Variants in ISM1 observed in about 807,000 individuals in gnomAD.
The protein encoded by ISM1 is isthmin-1.
Under a neutral mutation model 46.3 loss-of-function variants are expected in ISM1, and 25 were observed. The observed-to-expected ratio is 0.54, with a 90% confidence interval of 0.39 to 0.75. ISM1 has a LOEUF of 0.75. Ranked by LOEUF, ISM1 falls within the 30% of genes least tolerant of loss-of-function variation. The pLI is 0.00. For missense variants in ISM1, 536 were observed against 625.4 expected (o/e 0.86, Z 1.52); for synonymous variants, 255 against 256.7 (o/e 0.99, Z 0.06).
chr20:13,221,713 C>CCCGGCGTCA lies in ISM1; in HGVS notation c.-60_-52dup. ...GCTCCCGGGCTCCTACTCCTCCTCC[C>CCCGGCGTCA]CCGGCGTCACCGCCGCCGCCGCCGG... On this transcript the variant is annotated 5_prime_UTR_variant, in exon 1 of 6. Coordinates refer to ENST00000262487, the MANE Select transcript of ISM1 (RefSeq NM_080826.2). 7.6e-7 allele frequency: 1 copy of CCCGGCGTCA among 1,313,700 alleles called. No homozygotes were observed. The highest frequency in any genetic ancestry group is 9.7e-7 in the Non-Finnish European group (1 of 1,030,586). 81.4% of individuals were successfully genotyped at this position (1,313,700 alleles called of 1,614,324 possible). A position where few individuals can be genotyped will look rare whatever the true frequency, so the allele number is the denominator to read the frequency against.
intron 4 of ISM1, among the ~76,000 whole-genome samples, chr20:13,289,172 G>A (rs1014111255): frequency 1.3e-5 from 2 of 152,142 alleles, no homozygotes; most frequent in African/African-American, 4.8e-5. Flanking sequence ...CAATTGCAGT[G>A]GCCGTGACCT....
At chr20:13,293,994 AG>A (rs2123324488) in intron 5 of ISM1, among the ~76,000 whole-genome samples, 1 of 152,156 alleles carries the variant, frequency 6.6e-6, no homozygotes, top group East Asian at 1.9e-4. Context: ...AGAAAGAAAA[AG>A]AAAAAAAAGA....
At chr20:13,258,575 G>A (rs187815921) in intron 1 of ISM1, among the ~76,000 whole-genome samples, 151 of 152,242 alleles carry the variant, frequency 9.9e-4, no homozygotes, top group Non-Finnish European at 1.8e-3. Context: ...CATGTTCTCT[G>A]TTGAACATCT....
At chr20:13,239,005 C>T (rs918296972) in intron 1 of ISM1, 2 of 152,202 alleles carry the variant, frequency 1.3e-5, no homozygotes, top group African/African-American at 4.8e-5. Flanking sequence ...ACTGAGAGCT[C>T]CTTACTGAGA....
chr20:13,290,491 T>C (rs2040340899), intron 4 of ISM1, among the ~76,000 whole-genome samples: 1 of 151,908 alleles, frequency 6.6e-6, no homozygotes, highest in Non-Finnish European at 1.5e-5. Context: ...CTACTAAAAA[T>C]ACAAAATATT....
chr20:13,250,841 A>G (rs544726880), intron 1 of ISM1, among the ~76,000 whole-genome samples: 6 of 152,294 alleles, frequency 3.9e-5, no homozygotes, highest in African/African-American at 1.4e-4. Context: ...TAATTAGGTG[A>G]TTTCAGCTTT....
chr20:13,299,552 T>G lies in ISM1; in HGVS notation c.*93T>G. ...CGACTGGCGCCGAGACCTTCATAGCTGCGGTCGTGTATATTTGTATATACC... is the reference window on the plus strand; with the variant it reads ...CGACTGGCGCCGAGACCTTCATAGCGGCGGTCGTGTATATTTGTATATACC... On this transcript the variant is annotated 3_prime_UTR_variant, in exon 6 of 6. Coordinates refer to ENST00000262487, the MANE Select transcript of ISM1 (RefSeq NM_080826.2). This position sits in a 1 kb window ranked among gnomAD's most constrained non-coding sequence, Gnocchi z 5.8. The G allele has an allele frequency of 2.6e-6, 3 of 1,150,288 alleles. No individual in the cohort carries two copies. Among genetic ancestry groups the G allele is most frequent in the Admixed American group, 4.3e-5 (2 of 46,404 alleles). 71.3% of individuals were successfully genotyped at this position (1,150,288 alleles called of 1,614,324 possible). A position where few individuals can be genotyped will look rare whatever the true frequency, so the allele number is the denominator to read the frequency against.
At chr20:13,226,992 C>T (rs1568660429) in intron 1 of ISM1, among the ~76,000 whole-genome samples, 1 of 152,028 alleles carries the variant, frequency 6.6e-6, no homozygotes, top group Non-Finnish European at 1.5e-5. Flanking sequence ...TTTTTAGAAC[C>T]CATAGTGCAA....
chr20:13,248,573 G>C (rs553058954), intron 1 of ISM1, among the ~76,000 whole-genome samples: 52 of 152,318 alleles, frequency 3.4e-4, no homozygotes, highest in African/African-American at 1.1e-3. Context: ...TCTTGAGCCA[G>C]GCCTCATAAT....
At chr20:13,294,471 A>T (rs940432389) in intron 5 of ISM1, among the ~76,000 whole-genome samples, 1 of 152,206 alleles carries the variant, frequency 6.6e-6, no homozygotes, top group Non-Finnish European at 1.5e-5. Flanking sequence ...AGGACTCTTC[A>T]TATCACACCC....
intron 1 of ISM1, among the ~76,000 whole-genome samples, chr20:13,225,145 G>T (rs77602969): frequency 6.6e-6 from 1 of 151,920 alleles, no homozygotes; most frequent in Non-Finnish European, 1.5e-5. Flanking sequence ...GAGCCACCGC[G>T]CCCGGCCCAT....
intron 3 of ISM1, 98 bp from the exon 4 acceptor site, chr20:13,288,442 C>T (rs1039457112): frequency 1.5e-5 from 20 of 1,298,824 alleles, no homozygotes; most frequent in African/African-American, 8.8e-5. Flanking sequence ...CCTCCCACAG[C>T]GAGAAGGATA....
intron 1 of ISM1, among the ~76,000 whole-genome samples, chr20:13,228,120 C>G (rs960834123): frequency 1.3e-5 from 2 of 151,696 alleles, no homozygotes; most frequent in Non-Finnish European, 2.9e-5. Context: ...TTACAGGTAC[C>G]CACCACCATG....
intron 1 of ISM1, among the ~76,000 whole-genome samples, chr20:13,248,288 G>A (rs930558823): frequency 5.9e-5 from 9 of 152,190 alleles, no homozygotes; most frequent in African/African-American, 2.2e-4. Context: ...CCAGCAGCAG[G>A]TGAGTATACA....
rs546009979 is a variant in ISM1, at chr20:13,299,173, G to T, written c.1109G>T (p.Arg370Leu). The change falls in exon 6 of 6, where the codon CGC (arginine) becomes CTC (leucine). Residue 370 changes from arginine (R) to leucine (L), a missense_variant. By Grantham distance (102) the Arg-to-Leu change is moderately radical. Around this residue, in one of 2 missense-constraint regions of ISM1, gnomAD observed 169 missense variants for 249.3 expected, o/e 0.68. Transcript: ENST00000262487. This position sits in a 1 kb window ranked among gnomAD's most constrained non-coding sequence, Gnocchi z 5.8. ...AAGCCCACTGCCCGGTACTGCATCC[G>T]CTCCATGCTGTCCCTGGAGAGCACC... ...IYKPTARYCIRSMLSLESTTL... is the reference protein window; with the variant it reads ...IYKPTARYCILSMLSLESTTL... 170 of 1,607,864 alleles carry T rather than the reference G, an allele frequency of 1.1e-4. No individual in the cohort carries two copies. Among genetic ancestry groups the T allele is most frequent in the Non-Finnish European group, 1.3e-4 (155 of 1,177,280 alleles).
chr20:13,303,527 A>AT (rs1483413787), downstream of ISM1, among the ~76,000 whole-genome samples: 9 of 152,182 alleles, frequency 5.9e-5, no homozygotes, highest in African/African-American at 2.2e-4. Flanking sequence ...CAGGGGCAAC[A>AT]TAACAGGCAC....
chr20:13,319,196 AT>A, the ISM1 span, among the ~76,000 whole-genome samples: 1 of 151,970 alleles, frequency 6.6e-6, no homozygotes, highest in Non-Finnish European at 1.5e-5. Flanking sequence ...ACAATAGTCT[AT>A]TTTTTAAGTG....
chr20:13,315,946 A>C, the ISM1 span, among the ~76,000 whole-genome samples: 3 of 152,134 alleles, frequency 2.0e-5, no homozygotes, highest in African/African-American at 7.2e-5. Context: ...CTTTGAACTA[A>C]ATGAAAATGA....
At chr20:13,323,321 A>G in the ISM1 span, among the ~76,000 whole-genome samples, 1 of 152,200 alleles carries the variant, frequency 6.6e-6, no homozygotes, top group Non-Finnish European at 1.5e-5. Context: ...ACTTACTGGA[A>G]ACACAATGAC....
Sources: gnomAD v4.1 joint callset for allele counts (sites outside exome capture counted in the v4.1 genomes callset) on GRCh38, gnomAD v4.1.1 for gene constraint, gnomAD v4.1.1 regional missense constraint, Gnocchi (gnomAD v3.1) non-coding constraint, MANE v1.5 for transcripts, NCBI Gene and HGNC (gene_info 2026-07-23, HGNC 2026-07-21) for gene names.